Variants in FRMD4B observed in about 807,000 individuals in gnomAD.
FRMD4B encodes the protein FERM domain containing 4B.
A neutral mutation model predicts 141.5 loss-of-function variants in FRMD4B; 74 were observed. The ratio of observed to expected loss-of-function variants is 0.52; its 90% confidence interval spans 0.43 to 0.63. FRMD4B has a LOEUF of 0.63. Ranked by LOEUF, FRMD4B falls within the 30% of genes least tolerant of loss-of-function variation. The pLI, the probability that FRMD4B is intolerant of heterozygous loss-of-function variation, is 0.00. For synonymous variants in FRMD4B, 506 were observed against 467.9 expected (o/e 1.08, Z -1.05); for missense variants, 1,366 against 1,253.4 (o/e 1.09, Z -1.36).
At chr3:69,203,296 T>A (rs1204143973) in intron 11 of FRMD4B, among the ~76,000 whole-genome samples, 2 of 119,104 alleles carry the variant, frequency 1.7e-5, no homozygotes, top group Non-Finnish European at 3.2e-5. Context: ...TTCCTAAATA[T>A]CTGAGGGTAC....
intron 2 of FRMD4B, among the ~76,000 whole-genome samples, chr3:69,398,258 CTTTTG>C (rs1353134637): frequency 2.6e-5 from 4 of 151,760 alleles, no homozygotes; most frequent in African/African-American, 4.8e-5. Context: ...CTTCTTTATT[CTTTTG>C]TTTTATTTTT....
At chr3:69,422,374 G>A (rs528121803) in intron 2 of FRMD4B, among the ~76,000 whole-genome samples, 14 of 144,342 alleles carry the variant, frequency 9.7e-5, no homozygotes, top group South Asian at 2.4e-4. Context: ...GCAACAGAGC[G>A]AGACTCTGAA....
rs527561895 is a variant in FRMD4B, at chr3:69,262,729, G to A, written c.502-12630C>T. Among the ~76,000 whole-genome samples, 122 of 151,368 alleles carry A rather than the reference G, an allele frequency of 8.1e-4. 1 individual carries two copies. Among genetic ancestry groups the A allele is most frequent in the African/African-American group, 2.8e-3 (116 of 41,396 alleles). On this transcript the variant is annotated intron_variant, in intron 5 of 22. Coordinates refer to ENST00000398540, the MANE Select transcript of FRMD4B (RefSeq NM_015123.3). Reference sequence around the variant, plus strand: ...CCCGCCTTGGCCTCCCAAAGTGCTGGGATTACAGGCGTGAGCCACCGCGCC... The same window carrying A: ...CCCGCCTTGGCCTCCCAAAGTGCTGAGATTACAGGCGTGAGCCACCGCGCC...
At chr3:69,210,158 G>C (rs1189085215) in intron 11 of FRMD4B, among the ~76,000 whole-genome samples, 2 of 152,168 alleles carry the variant, frequency 1.3e-5, no homozygotes, top group East Asian at 3.9e-4. Context: ...GTCTTTCTTG[G>C]CATGATATAA....
At chr3:69,420,290 C>CAAAAAAAAAAA (rs56707719) in intron 2 of FRMD4B, among the ~76,000 whole-genome samples, 1 of 131,980 alleles carries the variant, frequency 7.6e-6, no homozygotes, top group Non-Finnish European at 1.6e-5. Context: ...AAAGGGATAT[C>CAAAAAAAAAAA]AAAAAAAAAA....
rs762938273 is a variant in FRMD4B at position 69,311,368 on chromosome 3, A to G, written c.229-11T>C. 2.6e-6 allele frequency: 4 copies of G among 1,512,164 alleles called. No individual in the cohort carries two copies. In the African/African-American group the frequency reaches 5.5e-5, roughly 21 times the overall value. The allele number at this position is 1,512,164 out of a possible 1,614,324, so 93.7% of individuals were successfully genotyped here. ...TGCTAGAAGTTTGGGCTGTCAAAATAAAAATCTGGTTAGAAGCAATTTGGT... is the reference window on the plus strand; with the variant it reads ...TGCTAGAAGTTTGGGCTGTCAAAATGAAAATCTGGTTAGAAGCAATTTGGT... On this transcript the variant is annotated splice_polypyrimidine_tract_variant and intron_variant, in intron 2 of 22. Coordinates refer to ENST00000398540, the MANE Select transcript of FRMD4B (RefSeq NM_015123.3).
chr3:69,220,654 T>C (rs1018849292), intron 9 of FRMD4B, among the ~76,000 whole-genome samples: 7 of 152,096 alleles, frequency 4.6e-5, no homozygotes, highest in African/African-American at 1.7e-4. Context: ...GAGTTTGAGA[T>C]CAGCCAGGCC....
intron 1 of FRMD4B, among the ~76,000 whole-genome samples, chr3:69,333,442 G>A (rs1289036961): frequency 6.6e-6 from 1 of 152,202 alleles, no homozygotes; most frequent in African/African-American, 2.4e-5. Flanking sequence ...ATCACCCCCA[G>A]ATTTCCATGA....
intron 2 of FRMD4B, among the ~76,000 whole-genome samples, chr3:69,410,241 C>T (rs935903880): frequency 6.6e-6 from 1 of 152,176 alleles, no homozygotes; most frequent in Non-Finnish European, 1.5e-5. Context: ...GGGCCAATTT[C>T]AAGTTCCAAA....
intron 1 of FRMD4B, among the ~76,000 whole-genome samples, chr3:69,361,715 C>A (rs938847840): frequency 6.6e-6 from 1 of 152,164 alleles, no homozygotes; most frequent in Non-Finnish European, 1.5e-5. Context: ...GTATCCATTG[C>A]ATGAATATAG....
chr3:69,477,043 T>C (rs1279395669), intron 1 of FRMD4B, among the ~76,000 whole-genome samples: 2 of 152,180 alleles, frequency 1.3e-5, no homozygotes, highest in Non-Finnish European at 1.5e-5. Flanking sequence ...GTGATTTTTG[T>C]ACATTGATTT....
intron 4 of FRMD4B, among the ~76,000 whole-genome samples, chr3:69,294,762 A>G (rs76811437): frequency 0.016 from 2,429 of 152,250 alleles, 65 homozygotes; most frequent in African/African-American, 0.054. Flanking sequence ...GTGAATTCCA[A>G]GTGCTTGCCT....
At chr3:69,226,058 T>C (rs2093251272) in intron 7 of FRMD4B, among the ~76,000 whole-genome samples, 1 of 152,178 alleles carries the variant, frequency 6.6e-6, no homozygotes, top group African/African-American at 2.4e-5. Context: ...ATACTATTAT[T>C]ATCTATTTAA....
chr3:69,439,397 A>G (rs951945068), intron 1 of FRMD4B, among the ~76,000 whole-genome samples: 2 of 152,202 alleles, frequency 1.3e-5, no homozygotes, highest in African/African-American at 4.8e-5. Context: ...ACATGGCAGT[A>G]CTGTGTGGGT....
chr3:69,343,984 A>G (rs1464740226), intron 1 of FRMD4B, among the ~76,000 whole-genome samples: 1 of 152,256 alleles, frequency 6.6e-6, no homozygotes, highest in East Asian at 1.9e-4. Context: ...ACCCATAAGT[A>G]TAGTGGCTGC....
intron 1 of FRMD4B, among the ~76,000 whole-genome samples, chr3:69,470,659 T>C (rs1227391476): frequency 6.6e-6 from 1 of 152,148 alleles, no homozygotes; most frequent in Admixed American, 6.6e-5. Flanking sequence ...CAACAAGTTA[T>C]CTCTGCAGCT....
At chr3:69,484,878 G>A (rs796724595) in intron 1 of FRMD4B, among the ~76,000 whole-genome samples, 4 of 152,128 alleles carry the variant, frequency 2.6e-5, no homozygotes, top group Admixed American at 2.6e-4. Flanking sequence ...GCCATGGGCA[G>A]GCCCAGGAAA....
At chr3:69,418,376 C>A (rs1704907849) in intron 2 of FRMD4B, among the ~76,000 whole-genome samples, 1 of 152,104 alleles carries the variant, frequency 6.6e-6, no homozygotes, top group Non-Finnish European at 1.5e-5. Flanking sequence ...GACCTCCACA[C>A]CCTGTGTAAT....
At chr3:69,535,560 T>C (rs1383097742) in intron 1 of FRMD4B, 2 of 166,382 alleles carry the variant, frequency 1.2e-5, no homozygotes, top group African/African-American at 4.8e-5. Flanking sequence ...ACAAAAGTCT[T>C]TATTGATAAA....
Sources: allele counts gnomAD v4.1 joint callset (sites outside exome capture counted in the v4.1 genomes callset), GRCh38; gene constraint gnomAD v4.1.1; transcripts MANE v1.5; gene names NCBI Gene and HGNC (gene_info 2026-07-23, HGNC 2026-07-21).